Variants in MYCT1 observed in about 807,000 individuals in gnomAD.
MYCT1 encodes the protein MYC target 1.
A neutral mutation model predicts 15.0 loss-of-function variants in MYCT1; 12 were observed. The ratio of observed to expected loss-of-function variants is 0.80; its 90% CI spans 0.51 to 1.29. The LOEUF (loss-of-function observed/expected upper bound fraction) is 1.29, where lower values mean the gene tolerates loss of function less well. Among genes scored for constraint, MYCT1 ranks in the 50% most tolerant of loss-of-function variants. The probability of loss-of-function intolerance (pLI) is 0.00; values close to 1 mark genes in which losing one functional copy is unlikely to be tolerated. For synonymous variants in MYCT1, 104 were observed against 102.7 expected, an observed-to-expected ratio of 1.01 and a Z score of -0.07; for missense variants, 287 against 279.1, an observed-to-expected ratio of 1.03 and a Z score of -0.20.
chr6:152,708,367 A>G (rs1280224552), intron 1 of MYCT1, among the ~76,000 whole-genome samples: 1 of 152,056 alleles, frequency 6.6e-6, no homozygotes, highest in Non-Finnish European at 1.5e-5. Flanking sequence ...TTTAGAATAC[A>G]TAAGATTTTC....
At position 152,706,992 on chromosome 6, in the gene MYCT1, G is replaced by A. The variant is rs114395494; in HGVS notation, c.196+8894G>A. 3.8e-3 allele frequency among the ~76,000 whole-genome samples: 572 copies of A among 152,104 alleles called. 4 individuals carry two copies. The highest frequency in any genetic ancestry group is 0.013 in the African/African-American group (556 of 41,512). ...AACATGGAAGTGCAGATATCTCTTA[G>A]AGATTCTGATCTCATTTCCTTTTAA... On this transcript the variant is annotated intron_variant, in intron 1 of 1. Transcript: ENST00000367245.
intron 1 of MYCT1, among the ~76,000 whole-genome samples, chr6:152,706,981 G>T (rs1296990058): frequency 6.6e-6 from 1 of 151,974 alleles, no homozygotes; most frequent in Non-Finnish European, 1.5e-5. Context: ...TGGAAGTGCA[G>T]ATATCTCTTA....
chr6:152,742,572 T>A, the MYCT1 span, among the ~76,000 whole-genome samples: 1 of 152,132 alleles, frequency 6.6e-6, no homozygotes, highest in African/African-American at 2.4e-5. Flanking sequence ...TGGGGGAAGA[T>A]CACTTTAGCA....
chr6:152,740,265 G>A, the MYCT1 span, among the ~76,000 whole-genome samples: 1 of 152,048 alleles, frequency 6.6e-6, no homozygotes. Context: ...GGTCAGGCTG[G>A]TCTTGAACTC....
At chr6:152,705,454 G>T (rs1232934691) in intron 1 of MYCT1, among the ~76,000 whole-genome samples, 1 of 152,042 alleles carries the variant, frequency 6.6e-6, no homozygotes, top group Non-Finnish European at 1.5e-5. Context: ...TAGATTAGAG[G>T]CTGGCTGTAT....
At chr6:152,705,099 T>G (rs886170815) in intron 1 of MYCT1, among the ~76,000 whole-genome samples, 1 of 152,296 alleles carries the variant, frequency 6.6e-6, no homozygotes, top group South Asian at 2.1e-4. Context: ...GCAGTACAGA[T>G]GCTCGTCCAT....
At chr6:152,717,540 C>T (rs905483394) in intron 1 of MYCT1, among the ~76,000 whole-genome samples, 6 of 152,148 alleles carry the variant, frequency 3.9e-5, no homozygotes, top group Admixed American at 1.3e-4. Flanking sequence ...GTAAGTCTCA[C>T]GAGATCTGAT....
chr6:152,718,760 T>C (rs1344677722), intron 1 of MYCT1, among the ~76,000 whole-genome samples: 1 of 152,310 alleles, frequency 6.6e-6, no homozygotes, highest in African/African-American at 2.4e-5. Flanking sequence ...ATTGAGTAAC[T>C]GAATATATTT....
At chr6:152,735,960 A>G in the MYCT1 span, among the ~76,000 whole-genome samples, 25 of 152,062 alleles carry the variant, frequency 1.6e-4, no homozygotes, top group Non-Finnish European at 2.8e-4. Flanking sequence ...TTGCATTGTT[A>G]TATGATATTT....
intron 1 of MYCT1, among the ~76,000 whole-genome samples, chr6:152,714,684 C>T (rs1023425019): frequency 2.6e-5 from 4 of 151,314 alleles, no homozygotes; most frequent in African/African-American, 9.7e-5. Flanking sequence ...TCTGATAATT[C>T]AAATATTTTC....
chr6:152,732,354 A>G, the MYCT1 span, among the ~76,000 whole-genome samples: 1 of 152,208 alleles, frequency 6.6e-6, no homozygotes, highest in Non-Finnish European at 1.5e-5. Context: ...AAATAGAACT[A>G]GGCATATATG....
At chr6:152,746,188 T>C in the MYCT1 span, among the ~76,000 whole-genome samples, 13 of 152,342 alleles carry the variant, frequency 8.5e-5, no homozygotes, top group South Asian at 2.7e-3. Context: ...TTTCATTTGA[T>C]CCATATAGTA....
chr6:152,717,756 C>A (rs2099723942), intron 1 of MYCT1, among the ~76,000 whole-genome samples: 1 of 152,078 alleles, frequency 6.6e-6, no homozygotes, highest in Non-Finnish European at 1.5e-5. Context: ...CAGACTAATG[C>A]AATTTCTAAA....
chr6:152,704,686 C>T (rs145261650), intron 1 of MYCT1, among the ~76,000 whole-genome samples: 1 of 152,010 alleles, frequency 6.6e-6, no homozygotes, highest in East Asian at 1.9e-4. Context: ...TTTGGCTTTT[C>T]GTGACTTTTT....
chr6:152,726,208 C>A (rs1019603684), downstream of MYCT1, among the ~76,000 whole-genome samples: 2 of 151,972 alleles, frequency 1.3e-5, no homozygotes, highest in Admixed American at 6.6e-5. Context: ...ACCAGCCTGA[C>A]CAACATGGAG....
intron 1 of MYCT1, among the ~76,000 whole-genome samples, chr6:152,701,935 G>A (rs2099721396): frequency 6.6e-6 from 1 of 152,088 alleles, no homozygotes; most frequent in South Asian, 2.1e-4. Flanking sequence ...AGGTGCCCTT[G>A]GCCTGGATGC....
At chr6:152,719,860 G>A (rs1322943502) in intron 1 of MYCT1, among the ~76,000 whole-genome samples, 1 of 152,134 alleles carries the variant, frequency 6.6e-6, no homozygotes, top group African/African-American at 2.4e-5. Context: ...TATGTATAAT[G>A]AAATCAGTGG....
At chr6:152,727,493 A>G (rs980478245), downstream of MYCT1, among the ~76,000 whole-genome samples, 1 of 152,198 alleles carries the variant, frequency 6.6e-6, no homozygotes, top group Non-Finnish European at 1.5e-5. Flanking sequence ...TAACCACAGA[A>G]GAGCTTAGAA....
intron 1 of MYCT1, 89 bp from the exon 2 acceptor site, chr6:152,721,651 ATT>A: frequency 8.5e-7 from 1 of 1,179,382 alleles, no homozygotes; most frequent in African/African-American, 1.5e-5. Context: ...TTAATCATGT[ATT>A]CTTTGAATTA....
Sources: gnomAD v4.1 joint callset for allele counts (sites outside exome capture counted in the v4.1 genomes callset) on GRCh38, gnomAD v4.1.1 for gene constraint, MANE v1.5 for transcripts, NCBI Gene and HGNC (gene_info 2026-07-23, HGNC 2026-07-21) for gene names.